The following MED27 variants were observed in gnomAD, a reference collection of about 807,000 sequenced individuals.
The protein encoded by MED27 is mediator of RNA polymerase II transcription subunit 27.
Under a neutral mutation model 38.2 loss-of-function variants are expected in MED27, and 30 were observed. That is an observed-to-expected ratio of 0.79 (90% CI 0.59 to 1.07). The LOEUF is 1.07. MED27 is among the 50% of genes least tolerant of loss of function. The pLI is 0.00. For synonymous variants in MED27, 122 were observed against 153.5 expected, an observed-to-expected ratio of 0.79 and a Z score of 1.52; for missense variants, 289 against 397.5, an observed-to-expected ratio of 0.73 and a Z score of 2.32.
At chr9:132,001,595 T>C (rs574360663) in intron 3 of MED27, among the ~76,000 whole-genome samples, 6 of 152,246 alleles carry the variant, frequency 3.9e-5, no homozygotes, top group African/African-American at 1.4e-4. Flanking sequence ...GATCTGAGCA[T>C]AATAAGCTAA....
At chr9:131,970,555 T>C (rs1048532544) in intron 3 of MED27, among the ~76,000 whole-genome samples, 1 of 152,186 alleles carries the variant, frequency 6.6e-6, no homozygotes. Flanking sequence ...GTGAAAACTG[T>C]AACCAATTAT....
At chr9:131,915,461 T>C (rs1416387447) in intron 4 of MED27, among the ~76,000 whole-genome samples, 1 of 152,096 alleles carries the variant, frequency 6.6e-6, no homozygotes, top group East Asian at 1.9e-4. Context: ...ACTAAAAACG[T>C]AACTCAAGAT....
chr9:131,894,011 G>C lies in MED27; in HGVS notation c.574-19C>G. On this transcript the variant is annotated intron_variant, in intron 4 of 7. Transcript: ENST00000292035. ...AGGTCACCTGCCAAAACACATGTAA[G>C]CTGACACTTGAACACGCAAATCACA... 1.9e-6 allele frequency: 3 copies of C among 1,597,618 alleles called. No homozygotes were observed. Among genetic ancestry groups the C allele is most frequent in the Non-Finnish European group, 2.6e-6 (3 of 1,165,076 alleles).
intron 4 of MED27, among the ~76,000 whole-genome samples, chr9:131,902,470 C>T (rs1284747169): frequency 1.3e-5 from 2 of 152,070 alleles, no homozygotes; most frequent in East Asian, 3.9e-4. Flanking sequence ...AACTGTCATG[C>T]CAAGGAAGAG....
intron 2 of MED27, among the ~76,000 whole-genome samples, chr9:132,035,630 A>G (rs139377757): frequency 1.4e-4 from 22 of 152,322 alleles, no homozygotes; most frequent in African/African-American, 4.8e-4. Flanking sequence ...ACCGTCTGAC[A>G]GAGGGGAAAA....
intron 3 of MED27, among the ~76,000 whole-genome samples, chr9:131,951,425 C>G (rs1371165231): frequency 6.6e-6 from 1 of 152,258 alleles, no homozygotes; most frequent in Non-Finnish European, 1.5e-5. Context: ...GTCCAGCACA[C>G]AGCAGGCTCT....
chr9:132,047,807 G>C (rs1833375747), intron 2 of MED27, among the ~76,000 whole-genome samples: 1 of 152,102 alleles, frequency 6.6e-6, no homozygotes, highest in South Asian at 2.1e-4. Flanking sequence ...GTAAGCTATA[G>C]TGGGAAACAG....
At chr9:131,960,986 C>A (rs1831203341) in intron 3 of MED27, among the ~76,000 whole-genome samples, 1 of 152,198 alleles carries the variant, frequency 6.6e-6, no homozygotes, top group Admixed American at 6.5e-5. Context: ...GAAGAAATGA[C>A]CGCCTGTAGA....
intron 4 of MED27, among the ~76,000 whole-genome samples, chr9:131,896,965 C>T (rs1829842643): frequency 6.6e-6 from 1 of 152,156 alleles, no homozygotes; most frequent in East Asian, 1.9e-4. Context: ...CTCCTGACCT[C>T]ATGGTCCGCC....
chr9:132,028,544 T>C (rs1218416926), intron 2 of MED27, among the ~76,000 whole-genome samples: 1 of 151,946 alleles, frequency 6.6e-6, no homozygotes, highest in Non-Finnish European at 1.5e-5. Flanking sequence ...TCTGTAGGCA[T>C]TGCATAACTG....
chr9:132,073,186 C>T (rs899223405), intron 2 of MED27, among the ~76,000 whole-genome samples: 1 of 152,144 alleles, frequency 6.6e-6, no homozygotes, highest in Middle Eastern at 3.4e-3. Context: ...TCCAAATGAC[C>T]CCCAGCCCTG....
In MED27 at chr9:131,889,288, C is replaced by T. The variant is rs192178877; in HGVS notation, c.681+4597G>A. Among the ~76,000 whole-genome samples, 26 of 152,272 alleles carry T rather than the reference C, an allele frequency of 1.7e-4. No homozygotes were observed. The highest frequency in any genetic ancestry group is 4.3e-4 in the African/African-American group (18 of 41,560). ...ACCATTTCTTTTCCTCTCTTATGCT[C>T]GGAGGCTAAAAGCTGCCTTTTTTAT... On this transcript the variant is annotated intron_variant, in intron 5 of 7. Coordinates refer to ENST00000292035, the MANE Select transcript of MED27 (RefSeq NM_004269.4). The surrounding 1 kb of genome is among the most constrained non-coding windows in gnomAD (Gnocchi z 4.2).
intron 3 of MED27, among the ~76,000 whole-genome samples, chr9:131,988,878 T>C (rs1284528837): frequency 4.7e-5 from 2 of 42,330 alleles, no homozygotes; most frequent in African/African-American, 1.5e-4. Flanking sequence ...ATGTGGATTT[T>C]TGGCTGCGCC....
At position 131,861,920 on chromosome 9, in the gene MED27, T is replaced by C. The variant is rs1244817818; in HGVS notation, c.801+1143A>G. Among the ~76,000 whole-genome samples the C allele has an allele frequency of 6.6e-6, 1 of 152,110 alleles. No individual in the cohort carries two copies. The highest frequency in any genetic ancestry group is 2.4e-5 in the African/African-American group (1 of 41,422). On this transcript the variant is annotated intron_variant, in intron 7 of 7. Transcript: ENST00000292035. The surrounding 1 kb of genome is among the most constrained non-coding windows in gnomAD (Gnocchi z 4.4). The stretch of plus-strand genomic sequence containing the variant: ...GCCTCCTGAGTGGAGTCACTGGGAT[T>C]CAAATCTTCCCTAAATCCCACAGTC...
chr9:131,929,158 T>C (rs1252300445), intron 4 of MED27, among the ~76,000 whole-genome samples: 1 of 152,210 alleles, frequency 6.6e-6, no homozygotes, highest in African/African-American at 2.4e-5. Flanking sequence ...GACCTAGTCC[T>C]GGCAGGATCC....
At chr9:132,058,802 C>T (rs538486321) in intron 2 of MED27, among the ~76,000 whole-genome samples, 13 of 152,276 alleles carry the variant, frequency 8.5e-5, no homozygotes, top group African/African-American at 2.9e-4. Context: ...ATAACCAGCC[C>T]CATTAACAAC....
intron 2 of MED27, among the ~76,000 whole-genome samples, chr9:132,063,947 G>A (rs1200406764): frequency 6.6e-6 from 1 of 152,198 alleles, no homozygotes; most frequent in Non-Finnish European, 1.5e-5. Context: ...CTATCATGGA[G>A]ACACCGGAAG....
chr9:131,998,093 G>A (rs114133420), intron 3 of MED27, among the ~76,000 whole-genome samples: 2,464 of 152,072 alleles, frequency 0.016, 55 homozygotes, highest in African/African-American at 0.051. Flanking sequence ...CTTAGTACAC[G>A]AGTGCTGAAA....
intron 3 of MED27, among the ~76,000 whole-genome samples, chr9:131,977,502 G>A (rs1484459468): frequency 6.6e-6 from 1 of 152,126 alleles, no homozygotes; most frequent in African/African-American, 2.4e-5. Context: ...CTCCAACACA[G>A]CCCTTGTTCC....
Sources: gnomAD v4.1 joint callset for allele counts (sites outside exome capture counted in the v4.1 genomes callset) on GRCh38, gnomAD v4.1.1 for gene constraint, Gnocchi (gnomAD v3.1) non-coding constraint, MANE v1.5 for transcripts, NCBI Gene and HGNC (gene_info 2026-07-23, HGNC 2026-07-21) for gene names.